The following ANGPT1 variants were observed in gnomAD, a reference collection of about 807,000 sequenced individuals.
ANGPT1 encodes angiopoietin-1.
In ANGPT1, 17 loss-of-function variants were observed where a neutral mutation model predicts 62.2. That is an observed-to-expected ratio of 0.27 (90% CI 0.19 to 0.41). The LOEUF (loss-of-function observed/expected upper bound fraction) is 0.41, where lower values mean the gene tolerates loss of function less well. Ranked by LOEUF, ANGPT1 falls within the 10% of genes least tolerant of loss-of-function variation. The pLI, the probability that ANGPT1 is intolerant of heterozygous loss-of-function variation, is 1.00. For synonymous variants in ANGPT1, 199 were observed against 198.9 expected, an observed-to-expected ratio of 1.00 and a Z score of 0.00; for missense variants, 478 against 594.9, an observed-to-expected ratio of 0.80 and a Z score of 2.04.
intron 1 of ANGPT1, among the ~76,000 whole-genome samples, chr8:107,392,534 T>A (rs565452259): frequency 6.6e-6 from 1 of 152,324 alleles, no homozygotes; most frequent in Non-Finnish European, 1.5e-5. Flanking sequence ...TCTCATCAGT[T>A]TGCAGGCAAT....
intron 1 of ANGPT1, among the ~76,000 whole-genome samples, chr8:107,363,983 T>C (rs1339890613): frequency 6.6e-6 from 1 of 152,172 alleles, no homozygotes; most frequent in Admixed American, 6.5e-5. Flanking sequence ...TGACTAATAC[T>C]ACAGTTACGC....
At chr8:107,370,598 G>A (rs1285731222) in intron 1 of ANGPT1, among the ~76,000 whole-genome samples, 4 of 150,276 alleles carry the variant, frequency 2.7e-5, no homozygotes, top group Non-Finnish European at 5.9e-5. Flanking sequence ...AGCTACTCAG[G>A]AGGCTGAGGC....
chr8:107,312,294 T>C (rs1192753563), intron 4 of ANGPT1, among the ~76,000 whole-genome samples: 9 of 152,218 alleles, frequency 5.9e-5, no homozygotes, highest in Non-Finnish European at 1.2e-4. Flanking sequence ...GTGTGTTAAT[T>C]TCCCATATAC....
intron 4 of ANGPT1, among the ~76,000 whole-genome samples, chr8:107,308,566 G>A (rs570472814): frequency 6.6e-6 from 1 of 152,086 alleles, no homozygotes; most frequent in African/African-American, 2.4e-5. Flanking sequence ...CTTCTGCCAG[G>A]TGGACACCAG....
intron 1 of ANGPT1, among the ~76,000 whole-genome samples, chr8:107,458,706 C>T (rs1811988266): frequency 6.6e-6 from 1 of 152,058 alleles, no homozygotes; most frequent in Non-Finnish European, 1.5e-5. Context: ...ATATCAGCTT[C>T]TTCCTCTCCA....
chr8:107,448,466 T>C (rs1246767889), intron 1 of ANGPT1, among the ~76,000 whole-genome samples: 3 of 152,174 alleles, frequency 2.0e-5, no homozygotes, highest in Non-Finnish European at 4.4e-5. Context: ...TATATATAAG[T>C]ATCTAGTAAA....
intron 6 of ANGPT1, among the ~76,000 whole-genome samples, chr8:107,290,609 G>A (rs974232121): frequency 6.6e-6 from 1 of 152,112 alleles, no homozygotes; most frequent in African/African-American, 2.4e-5. Context: ...TAACCATCTT[G>A]TAACATATGA....
At chr8:107,365,939 C>T (rs1024170239) in intron 1 of ANGPT1, among the ~76,000 whole-genome samples, 4 of 151,100 alleles carry the variant, frequency 2.6e-5, no homozygotes, top group Non-Finnish European at 5.9e-5. Context: ...TTAAAAAATA[C>T]TAAATCCAAT....
intron 2 of ANGPT1, among the ~76,000 whole-genome samples, chr8:107,343,466 T>C (rs1317312823): frequency 6.6e-6 from 1 of 152,138 alleles, no homozygotes; most frequent in Admixed American, 6.5e-5. Flanking sequence ...GGAGCAGGCC[T>C]ACATATCCCT....
At chr8:107,355,795 C>A (rs959598507) in intron 1 of ANGPT1, among the ~76,000 whole-genome samples, 1 of 152,004 alleles carries the variant, frequency 6.6e-6, no homozygotes, top group Non-Finnish European at 1.5e-5. Flanking sequence ...GCACCTGTAC[C>A]TCTGTTTTTC....
At chr8:107,431,529 C>T (rs1586316868) in intron 1 of ANGPT1, among the ~76,000 whole-genome samples, 1 of 152,206 alleles carries the variant, frequency 6.6e-6, no homozygotes, top group East Asian at 1.9e-4. Context: ...CGGAGCCTTG[C>T]ACAGGCCACA....
At chr8:107,450,735 T>G (rs73699708) in intron 1 of ANGPT1, among the ~76,000 whole-genome samples, 1 of 150,924 alleles carries the variant, frequency 6.6e-6, no homozygotes, top group Non-Finnish European at 1.5e-5. Flanking sequence ...TGTGTGCATG[T>G]GTGCATGTGA....
At chr8:107,351,784 CT>C (rs1815938705) in intron 1 of ANGPT1, among the ~76,000 whole-genome samples, 1 of 151,702 alleles carries the variant, frequency 6.6e-6, no homozygotes, top group Non-Finnish European at 1.5e-5. Flanking sequence ...ACCTTTTTTT[CT>C]TAGTAACATA....
chr8:107,474,348 A>G (rs937087859), intron 1 of ANGPT1, among the ~76,000 whole-genome samples: 4 of 152,216 alleles, frequency 2.6e-5, no homozygotes, highest in Non-Finnish European at 2.9e-5. Flanking sequence ...TGATTACCTC[A>G]ATAGATGCAG....
At chr8:107,467,785 T>C (rs1173564491) in intron 1 of ANGPT1, among the ~76,000 whole-genome samples, 2 of 152,038 alleles carry the variant, frequency 1.3e-5, no homozygotes, top group African/African-American at 4.8e-5. Flanking sequence ...GGAGGTAAAA[T>C]AGTCATCCTA....
intron 7 of ANGPT1, 53 bp from the exon 8 acceptor site, chr8:107,264,404 A>G: frequency 1.3e-6 from 2 of 1,571,796 alleles, no homozygotes; most frequent in Non-Finnish European, 1.7e-6. Context: ...GAATAACAGA[A>G]CCCAGAAGAC....
At chr8:107,293,632 G>C (rs1405316985) in intron 6 of ANGPT1, among the ~76,000 whole-genome samples, 1 of 152,050 alleles carries the variant, frequency 6.6e-6, no homozygotes, top group Non-Finnish European at 1.5e-5. Context: ...TCAGGCTCAC[G>C]TATCCAACGA....
intron 1 of ANGPT1, among the ~76,000 whole-genome samples, chr8:107,368,308 A>G (rs1816318556): frequency 6.6e-6 from 1 of 152,168 alleles, no homozygotes; most frequent in East Asian, 1.9e-4. Context: ...GTAAGTCTCA[A>G]AAGTGGGCTT....
At chr8:107,432,355 A>G (rs1811211518) in intron 1 of ANGPT1, among the ~76,000 whole-genome samples, 1 of 152,198 alleles carries the variant, frequency 6.6e-6, no homozygotes, top group Admixed American at 6.5e-5. Context: ...AGGAAATAAA[A>G]AGATATCTGC....
Sources: allele counts gnomAD v4.1 joint callset (sites outside exome capture counted in the v4.1 genomes callset), GRCh38; gene constraint gnomAD v4.1.1; transcripts MANE v1.5; gene names NCBI Gene and HGNC (gene_info 2026-07-23, HGNC 2026-07-21).